The following TMEM178A variants were observed in gnomAD, a reference collection of about 807,000 sequenced individuals.
The protein encoded by TMEM178A is transmembrane protein 178.
TMEM178A carries 12 observed loss-of-function variants against 29.1 expected under a neutral mutation model. That is an observed-to-expected ratio of 0.41 (90% CI 0.26 to 0.67). The LOEUF (loss-of-function observed/expected upper bound fraction) is 0.67. Ranked by LOEUF, TMEM178A falls within the 30% of genes least tolerant of loss-of-function variation. TMEM178A has a pLI of 0.29. For synonymous variants in TMEM178A, 210 were observed against 187.2 expected (o/e 1.12, Z -0.99); for missense variants, 366 against 419.1 (o/e 0.87, Z 1.11).
chr2:39,675,228 G>A (rs1357466933), intron 1 of TMEM178A, among the ~76,000 whole-genome samples: 1 of 152,136 alleles, frequency 6.6e-6, no homozygotes, highest in African/African-American at 2.4e-5. Flanking sequence ...GCATTTTGAA[G>A]TGTTGGGGGT....
chr2:39,701,695 G>A (rs1011944501), intron 1 of TMEM178A, among the ~76,000 whole-genome samples: 1 of 152,050 alleles, frequency 6.6e-6, no homozygotes, highest in Admixed American at 6.6e-5. Context: ...GTGCCTCACA[G>A]GTCTCTGAGG....
chr2:39,719,866 C>G (rs546065318), downstream of TMEM178A, among the ~76,000 whole-genome samples: 2 of 152,260 alleles, frequency 1.3e-5, no homozygotes, highest in South Asian at 4.2e-4. Context: ...GAAACCTCCA[C>G]AGAACATAAT....
chr2:39,712,217 T>C (rs965801008), intron 3 of TMEM178A, among the ~76,000 whole-genome samples: 17 of 152,132 alleles, frequency 1.1e-4, no homozygotes, highest in African/African-American at 4.1e-4. Flanking sequence ...AGGCCATCTT[T>C]TGAAGGAGCA....
At chr2:39,680,005 G>C (rs900159517) in intron 1 of TMEM178A, among the ~76,000 whole-genome samples, 3 of 152,060 alleles carry the variant, frequency 2.0e-5, no homozygotes, top group Non-Finnish European at 4.4e-5. Context: ...TCAAGAGACC[G>C]GTGGTTTTAC....
chr2:39,734,712 C>T, the TMEM178A span, among the ~76,000 whole-genome samples: 1 of 152,180 alleles, frequency 6.6e-6, no homozygotes, highest in Non-Finnish European at 1.5e-5. Context: ...TCTAGACTAG[C>T]AAGTCCAAAA....
the TMEM178A span, among the ~76,000 whole-genome samples, chr2:39,730,559 C>T: frequency 1.3e-5 from 2 of 152,198 alleles, no homozygotes; most frequent in African/African-American, 4.8e-5. Flanking sequence ...AAGCTCCTTT[C>T]TCATGGTTGC....
At chr2:39,706,787 G>A (rs529717774) in intron 2 of TMEM178A, among the ~76,000 whole-genome samples, 1 of 152,130 alleles carries the variant, frequency 6.6e-6, no homozygotes, top group South Asian at 2.1e-4. Context: ...TCCTGGGCTT[G>A]TCCTCTAGTC....
intron 1 of TMEM178A, among the ~76,000 whole-genome samples, chr2:39,679,421 GA>G (rs1670775784): frequency 6.6e-6 from 1 of 152,070 alleles, no homozygotes; most frequent in African/African-American, 2.4e-5. Context: ...AATAGTGGTA[GA>G]TGGGTAAAAT....
At chr2:39,692,558 T>C (rs1465204821) in intron 1 of TMEM178A, among the ~76,000 whole-genome samples, 2 of 152,186 alleles carry the variant, frequency 1.3e-5, no homozygotes, top group Non-Finnish European at 2.9e-5. Flanking sequence ...TTTTTTCTCC[T>C]AAATGTTGGA....
intron 2 of TMEM178A, 77 bp downstream of exon 2, chr2:39,704,271 G>A (rs1671931141): frequency 8.3e-7 from 1 of 1,211,680 alleles, no homozygotes; most frequent in African/African-American, 1.5e-5. Context: ...TCTCACATCT[G>A]GACAGAAGGA....
At chr2:39,712,085 T>TGTGTGTGTGTGTG (rs1553350752) in intron 3 of TMEM178A, among the ~76,000 whole-genome samples, 1 of 73,114 alleles carries the variant, frequency 1.4e-5, no homozygotes, top group Admixed American at 1.7e-4. Context: ...GTGTAAGAGT[T>TGTGTGTGTGTGTG]TCTTTCTCTC....
chr2:39,697,392 C>G (rs1034271773), intron 1 of TMEM178A, among the ~76,000 whole-genome samples: 1 of 152,324 alleles, frequency 6.6e-6, no homozygotes, highest in Middle Eastern at 3.4e-3. Context: ...CATAAAACAG[C>G]TAATGGCAGG....
At chr2:39,709,899 T>C (rs1412221299) in intron 3 of TMEM178A, among the ~76,000 whole-genome samples, 1 of 152,218 alleles carries the variant, frequency 6.6e-6, no homozygotes, top group Non-Finnish European at 1.5e-5. Context: ...AAACAATTGT[T>C]AGAACTAAAA....
intron 2 of TMEM178A, among the ~76,000 whole-genome samples, chr2:39,706,789 C>A (rs1022367584): frequency 6.6e-6 from 1 of 152,164 alleles, no homozygotes; most frequent in African/African-American, 2.4e-5. Context: ...CTGGGCTTGT[C>A]CTCTAGTCTA....
chr2:39,706,944 A>G, intron 2 of TMEM178A, 105 bp from the exon 3 acceptor site: 1 of 1,362,980 alleles, frequency 7.3e-7, no homozygotes, highest in Non-Finnish European at 9.9e-7. Flanking sequence ...AAGCCTGTCC[A>G]TGTAACTTAC....
chr2:39,681,205 A>G (rs1360729649), intron 1 of TMEM178A, among the ~76,000 whole-genome samples: 2 of 152,164 alleles, frequency 1.3e-5, no homozygotes, highest in African/African-American at 2.4e-5. Flanking sequence ...CAGATCTGCT[A>G]CTCAACCTCT....
chr2:39,725,644 G>T, the TMEM178A span, among the ~76,000 whole-genome samples: 2 of 152,216 alleles, frequency 1.3e-5, no homozygotes, highest in Non-Finnish European at 2.9e-5. Flanking sequence ...GGAAATGCCA[G>T]TAAATGTGTG....
At chr2:39,720,030 AT>A (rs146464771), downstream of TMEM178A, among the ~76,000 whole-genome samples, 4,258 of 152,278 alleles carry the variant, frequency 0.028, 187 homozygotes, top group African/African-American at 0.096. Flanking sequence ...AGTGAAGGAC[AT>A]AGTGAAAAAA....
intron 2 of TMEM178A, among the ~76,000 whole-genome samples, chr2:39,706,334 G>C (rs1441344471): frequency 1.3e-5 from 2 of 152,202 alleles, no homozygotes; most frequent in East Asian, 3.9e-4. Context: ...TGCCCAGGTT[G>C]TGGGATCTAT....
Sources: gnomAD v4.1 joint callset for allele counts (sites outside exome capture counted in the v4.1 genomes callset) on GRCh38, gnomAD v4.1.1 for gene constraint, MANE v1.5 for transcripts, NCBI Gene and HGNC (gene_info 2026-07-23, HGNC 2026-07-21) for gene names.